The following LRRC4C variants were observed in gnomAD, a reference collection of about 807,000 sequenced individuals.
LRRC4C encodes the protein leucine rich repeat containing 4C.
A neutral mutation model predicts 33.6 loss-of-function variants in LRRC4C; 5 were observed. The observed-to-expected ratio is 0.15, with a 90% CI of 0.08 to 0.31. The LOEUF (loss-of-function observed/expected upper bound fraction) is 0.31. Ranked by LOEUF, LRRC4C falls within the 10% of genes least tolerant of loss-of-function variation. The pLI, the probability that LRRC4C is intolerant of heterozygous loss-of-function variation, is 1.00. For synonymous variants in LRRC4C, 329 were observed against 302.0 expected, an observed-to-expected ratio of 1.09 and a Z score of -0.93; for missense variants, 560 against 796.7, an observed-to-expected ratio of 0.70 and a Z score of 3.58.
chr11:41,338,825 T>C (rs1197768105), intron 1 of LRRC4C, among the ~76,000 whole-genome samples: 1 of 152,150 alleles, frequency 6.6e-6, no homozygotes, highest in African/African-American at 2.4e-5. Flanking sequence ...TCTGAGTTCC[T>C]ACTCTCTAAA....
chr11:40,576,883 A>G (rs1469293389), intron 3 of LRRC4C, among the ~76,000 whole-genome samples: 2 of 152,210 alleles, frequency 1.3e-5, no homozygotes, highest in African/African-American at 2.4e-5. Context: ...CGCTCATTAA[A>G]TGTTCATAAA....
chr11:41,113,397 A>G (rs1045961502), intron 1 of LRRC4C, among the ~76,000 whole-genome samples: 3 of 152,094 alleles, frequency 2.0e-5, no homozygotes, highest in African/African-American at 7.2e-5. Context: ...GTGAGTTTAC[A>G]TTAAGCAGCA....
chr11:40,176,067 T>G (rs1244832986), intron 5 of LRRC4C, among the ~76,000 whole-genome samples: 1 of 152,086 alleles, frequency 6.6e-6, no homozygotes, highest in African/African-American at 2.4e-5. Flanking sequence ...ATAAATATAT[T>G]ATTTAGAGAG....
Position 41,054,147 on chromosome 11 carries a change from T to C in LRRC4C, c.-495-120424A>G, listed in dbSNP as rs536108791. 2.6e-5 allele frequency among the ~76,000 whole-genome samples: 4 copies of C among 152,352 alleles called. No homozygotes were observed. In the East Asian group the frequency reaches 7.7e-4, roughly 29 times the overall value. Reference sequence around the variant, plus strand: ...TCTTATGTATTTTCTAATTCTCATTTGCATTTGAACCCCCATGCACACAAA... The same window carrying C: ...TCTTATGTATTTTCTAATTCTCATTCGCATTTGAACCCCCATGCACACAAA... On this transcript the variant is annotated intron_variant, in intron 1 of 6. Coordinates refer to ENST00000528697, the MANE Select transcript of LRRC4C (RefSeq NM_001258419.2).
rs544412256 is a variant in LRRC4C, at chr11:40,332,960, G to A, written c.-269-13239C>T. Among the ~76,000 whole-genome samples, 75 of 152,186 alleles carry A rather than the reference G, an allele frequency of 4.9e-4. 3 individuals carry two copies. In the South Asian group the frequency reaches 0.013, roughly 26 times the overall value. On this transcript the variant is annotated intron_variant, in intron 3 of 6. Transcript: ENST00000528697. ...CTCTGAAATGGTAAGTTATTTAAACGCAGGGACCATGTTTATCACACATAA... is the reference window on the plus strand; with the variant it reads ...CTCTGAAATGGTAAGTTATTTAAACACAGGGACCATGTTTATCACACATAA...
At chr11:40,760,233 T>A (rs1390425919) in intron 2 of LRRC4C, among the ~76,000 whole-genome samples, 1 of 152,070 alleles carries the variant, frequency 6.6e-6, no homozygotes, top group Non-Finnish European at 1.5e-5. Flanking sequence ...TGACATTGAG[T>A]AATTTTATGA....
chr11:41,024,604 C>T (rs1372906495), intron 1 of LRRC4C, among the ~76,000 whole-genome samples: 1 of 151,626 alleles, frequency 6.6e-6, no homozygotes, highest in Non-Finnish European at 1.5e-5. Context: ...CCTCAGCAAC[C>T]TTATGTCTTA....
At chr11:41,099,278 T>G (rs966760278) in intron 1 of LRRC4C, among the ~76,000 whole-genome samples, 3 of 151,798 alleles carry the variant, frequency 2.0e-5, no homozygotes, top group African/African-American at 7.3e-5. Context: ...GCTGATACCA[T>G]TCCGACTGAA....
At chr11:41,066,535 G>A (rs935041870) in intron 1 of LRRC4C, among the ~76,000 whole-genome samples, 5 of 152,068 alleles carry the variant, frequency 3.3e-5, no homozygotes, top group Non-Finnish European at 2.9e-5. Flanking sequence ...TAGCAAGACA[G>A]GCCAACATGC....
chr11:40,696,563 T>C (rs1591489131), intron 2 of LRRC4C, among the ~76,000 whole-genome samples: 2 of 149,010 alleles, frequency 1.3e-5, no homozygotes, highest in East Asian at 4.0e-4. Flanking sequence ...TTGACTCCCA[T>C]GGCTATACAG....
intron 3 of LRRC4C, among the ~76,000 whole-genome samples, chr11:40,520,285 C>T (rs1048447066): frequency 1.3e-5 from 2 of 152,154 alleles, no homozygotes; most frequent in Admixed American, 6.5e-5. Context: ...GTGTTCAAAA[C>T]CTGGTAAACT....
chr11:41,073,559 T>A (rs2135437473), intron 1 of LRRC4C, among the ~76,000 whole-genome samples: 1 of 152,308 alleles, frequency 6.6e-6, no homozygotes, highest in Non-Finnish European at 1.5e-5. Flanking sequence ...CTAACCCATG[T>A]TAGAACTCCA....
At chr11:41,319,660 C>T (rs1282308481) in intron 1 of LRRC4C, among the ~76,000 whole-genome samples, 1 of 152,128 alleles carries the variant, frequency 6.6e-6, no homozygotes, top group Non-Finnish European at 1.5e-5. Flanking sequence ...CTCCCACCTC[C>T]CAGGGTGGCT....
At chr11:41,227,792 G>A (rs1449922612) in intron 1 of LRRC4C, among the ~76,000 whole-genome samples, 1 of 151,984 alleles carries the variant, frequency 6.6e-6, no homozygotes, top group Non-Finnish European at 1.5e-5. Flanking sequence ...TTCTTTAGTT[G>A]GTATGTATCC....
At chr11:41,272,120 C>T (rs779823041) in intron 1 of LRRC4C, among the ~76,000 whole-genome samples, 1 of 152,094 alleles carries the variant, frequency 6.6e-6, no homozygotes, top group Non-Finnish European at 1.5e-5. Context: ...TCAAAATATG[C>T]TATGGGAAGT....
intron 1 of LRRC4C, among the ~76,000 whole-genome samples, chr11:40,972,669 G>A (rs939892646): frequency 6.6e-6 from 1 of 152,112 alleles, no homozygotes; most frequent in Non-Finnish European, 1.5e-5. Context: ...GAGAATGAGA[G>A]CGAAGTTGGG....
intron 2 of LRRC4C, among the ~76,000 whole-genome samples, chr11:40,885,774 A>T (rs1241065795): frequency 6.6e-6 from 1 of 152,136 alleles, no homozygotes; most frequent in Non-Finnish European, 1.5e-5. Context: ...ATTCAACAAC[A>T]TATCCATTCA....
At chr11:41,101,350 T>C (rs7938728) in intron 1 of LRRC4C, among the ~76,000 whole-genome samples, 14,998 of 152,044 alleles carry the variant, frequency 0.099, 749 homozygotes, top group African/African-American at 0.12. Context: ...TATGAGCAGA[T>C]ACTTCTCAAA....
At chr11:40,553,227 G>A (rs1001357229) in intron 3 of LRRC4C, among the ~76,000 whole-genome samples, 11 of 152,162 alleles carry the variant, frequency 7.2e-5, no homozygotes, top group African/African-American at 1.4e-4. Context: ...AGCTGATATC[G>A]CGCCAGTGCA....
Sources: allele counts gnomAD v4.1 joint callset (sites outside exome capture counted in the v4.1 genomes callset), GRCh38; gene constraint gnomAD v4.1.1; transcripts MANE v1.5; gene names NCBI Gene and HGNC (gene_info 2026-07-23, HGNC 2026-07-21).